The following TBCK variants were observed in gnomAD, a reference collection of about 807,000 sequenced individuals.
TBCK encodes the protein TBC1 domain containing kinase, also known as TBC domain-containing protein kinase-like protein.
A neutral mutation model predicts 113.4 loss-of-function variants in TBCK; 99 were observed. The ratio of observed to expected loss-of-function variants is 0.87; its 90% CI spans 0.74 to 1.03. The LOEUF is 1.03. Ranked by LOEUF, TBCK falls within the 50% of genes least tolerant of loss-of-function variation. The pLI is 0.00. For missense variants in TBCK, 1,045 were observed against 1,061.3 expected, an observed-to-expected ratio of 0.98 and a Z score of 0.21; for synonymous variants, 369 against 370.8, an observed-to-expected ratio of 1.00 and a Z score of 0.05.
At position 106,247,173 on chromosome 4, in the gene TBCK, T is replaced by C. The variant is rs764041750; in HGVS notation, c.897A>G (p.Leu299=). The change falls in exon 10 of 26, where the codon TTA becomes TTG. Residue 299 remains leucine, a synonymous_variant. Coordinates refer to ENST00000394708, the MANE Select transcript of TBCK (RefSeq NM_001163435.3). ...ACTGACTGATATCCTCAGGCAGAGT[T>C]AAATCAGCACATCTCAGAGAAGATG... ...LFSSSLRCAD[L]TLPEDISQLC... 1 of 1,613,514 alleles carries C rather than the reference T, an allele frequency of 6.2e-7. No individual in the cohort carries two copies. The highest frequency in any genetic ancestry group is 1.1e-5 in the South Asian group (1 of 91,042).
chr4:106,297,811 C>G (rs1766468877), intron 2 of TBCK: 1 of 152,266 alleles, frequency 6.6e-6, no homozygotes, highest in African/African-American at 2.4e-5. Flanking sequence ...TACTAATTAA[C>G]TATGTGACCT....
intron 23 of TBCK, among the ~76,000 whole-genome samples, chr4:106,132,362 G>T (rs1262684857): frequency 6.6e-6 from 1 of 152,258 alleles, no homozygotes; most frequent in Admixed American, 6.5e-5. Flanking sequence ...TACAGCTCAA[G>T]GCTTTGCTTC....
Position 106,213,509 on chromosome 4 carries a change from G to A in TBCK, c.1775-674C>T, listed in dbSNP as rs548658630. 15 of 159,792 alleles carry A rather than the reference G, an allele frequency of 9.4e-5. No homozygotes were observed. The South Asian group carries it at 1.2e-3, about 13-fold the overall frequency. The allele number at this position is 159,792 out of a possible 1,614,324, so 9.9% of individuals were successfully genotyped here. ...ACAGTGGGCGCAGGCAAGTGGGTGC[G>A]CGCACCGTGCGCGAGCCAAAGCAGG... On this transcript the variant is annotated intron_variant, in intron 19 of 25. Coordinates refer to ENST00000394708, the MANE Select transcript of TBCK (RefSeq NM_001163435.3).
At chr4:106,070,571 G>T (rs1252736661) in intron 25 of TBCK, among the ~76,000 whole-genome samples, 1 of 151,992 alleles carries the variant, frequency 6.6e-6, no homozygotes, top group African/African-American at 2.4e-5. Flanking sequence ...TTTCGCATGG[G>T]TGTTCATCAT....
intron 3 of TBCK, among the ~76,000 whole-genome samples, chr4:106,292,718 A>G (rs1765857530): frequency 6.6e-6 from 1 of 152,180 alleles, no homozygotes; most frequent in Non-Finnish European, 1.5e-5. Context: ...TTGAGTTATG[A>G]GAGCTGTTCC....
At chr4:106,161,693 G>GGTGTGTGT (rs1462841972) in intron 23 of TBCK, among the ~76,000 whole-genome samples, 15 of 143,684 alleles carry the variant, frequency 1.0e-4, no homozygotes, top group African/African-American at 2.9e-4. Flanking sequence ...ACCAGAATTA[G>GGTGTGTGT]GTGTGTCTGT....
intron 5 of TBCK, among the ~76,000 whole-genome samples, chr4:106,257,769 T>C (rs1762144091): frequency 6.6e-6 from 1 of 152,124 alleles, no homozygotes; most frequent in Non-Finnish European, 1.5e-5. Context: ...CCACATATTC[T>C]ATATGTGATT....
intron 23 of TBCK, among the ~76,000 whole-genome samples, chr4:106,148,740 A>G (rs984753538): frequency 3.9e-5 from 6 of 152,200 alleles, no homozygotes; most frequent in South Asian, 2.1e-4. Flanking sequence ...ATAATTCTTA[A>G]GAGCCCTAGG....
intron 3 of TBCK, among the ~76,000 whole-genome samples, chr4:106,281,079 G>A (rs1764541729): frequency 6.6e-6 from 1 of 151,756 alleles, no homozygotes. Flanking sequence ...TTCCATTTTT[G>A]TATCCTCTTT....
At chr4:106,107,753 A>G (rs1194212963) in intron 24 of TBCK, among the ~76,000 whole-genome samples, 12 of 152,202 alleles carry the variant, frequency 7.9e-5, no homozygotes, top group Non-Finnish European at 4.4e-5. Flanking sequence ...AACAACCTCA[A>G]AGCTAATAGA....
intron 23 of TBCK, among the ~76,000 whole-genome samples, chr4:106,149,060 C>T (rs1213769933): frequency 8.5e-5 from 13 of 152,312 alleles, no homozygotes; most frequent in African/African-American, 2.9e-4. Flanking sequence ...TATGAACCAA[C>T]CTCTGCTAGC....
At chr4:106,270,283 G>A (rs1379608006) in intron 3 of TBCK, among the ~76,000 whole-genome samples, 1 of 152,140 alleles carries the variant, frequency 6.6e-6, no homozygotes, top group East Asian at 1.9e-4. Context: ...ATCACCATTT[G>A]ATACACAGGT....
At chr4:106,153,736 C>T (rs1748796102) in intron 23 of TBCK, among the ~76,000 whole-genome samples, 1 of 152,052 alleles carries the variant, frequency 6.6e-6, no homozygotes, top group Non-Finnish European at 1.5e-5. Context: ...TACTCCAGTA[C>T]TGAATTCATA....
intron 24 of TBCK, among the ~76,000 whole-genome samples, chr4:106,098,734 T>C (rs1018419344): frequency 6.6e-6 from 1 of 152,110 alleles, no homozygotes; most frequent in East Asian, 1.9e-4. Context: ...CTACAGGATA[T>C]ATTCCAGTAA....
At chr4:106,201,498 C>A (rs773012577) in intron 20 of TBCK, among the ~76,000 whole-genome samples, 11 of 152,022 alleles carry the variant, frequency 7.2e-5, no homozygotes, top group Non-Finnish European at 1.3e-4. Flanking sequence ...TAAGTATTTT[C>A]TCCAGATCAT....
At chr4:106,187,548 C>T (rs1753168547) in intron 22 of TBCK, among the ~76,000 whole-genome samples, 1 of 152,032 alleles carries the variant, frequency 6.6e-6, no homozygotes, top group Non-Finnish European at 1.5e-5. Context: ...TCCTGAGTAG[C>T]CAGAATTACA....
rs937827493 is a variant in TBCK, at chr4:106,137,504, T to C, written c.2236-21126A>G. ...AGGAATTTTAACAAGAAAAGTTACC[T>C]TCAAAAACTATCAATCTACAAATAT... is the stretch of plus-strand genomic sequence containing the variant. On this transcript the variant is annotated intron_variant, in intron 23 of 25. Coordinates refer to ENST00000394708, the MANE Select transcript of TBCK (RefSeq NM_001163435.3). Among the ~76,000 whole-genome samples, 7 of 140,864 alleles carry C rather than the reference T, an allele frequency of 5.0e-5. No individual in the cohort carries two copies. In the East Asian group the frequency reaches 1.4e-3, roughly 29 times the overall value. The allele number at this position is 140,864 out of a possible 152,430, so 92.4% of individuals were successfully genotyped here. A position where few individuals can be genotyped will look rare whatever the true frequency, so the allele number is the denominator to read the frequency against.
intron 22 of TBCK, among the ~76,000 whole-genome samples, chr4:106,171,714 T>C (rs1411133338): frequency 6.6e-6 from 1 of 152,174 alleles, no homozygotes; most frequent in African/African-American, 2.4e-5. Flanking sequence ...TTAGAAGATG[T>C]TGATTGCTGA....
chr4:106,270,000 A>G (rs956451095), intron 3 of TBCK, among the ~76,000 whole-genome samples: 3 of 152,158 alleles, frequency 2.0e-5, no homozygotes, highest in African/African-American at 7.2e-5. Flanking sequence ...TTTATAAAGT[A>G]AAAAATGTAA....
Sources: allele counts gnomAD v4.1 joint callset (sites outside exome capture counted in the v4.1 genomes callset), GRCh38; gene constraint gnomAD v4.1.1; transcripts MANE v1.5; gene names NCBI Gene and HGNC (gene_info 2026-07-23, HGNC 2026-07-21).